The following ZNF14 variants were observed in gnomAD, a reference collection of about 807,000 sequenced individuals.
The protein encoded by ZNF14 is zinc finger protein 14.
In ZNF14, 9 loss-of-function variants were observed where a neutral mutation model predicts 11.3. That is an observed-to-expected ratio of 0.80 (90% CI 0.48 to 1.39). The LOEUF is 1.39. Ranked by LOEUF, ZNF14 falls within the 40% of genes most tolerant of loss-of-function variation. The probability of loss-of-function intolerance (pLI) is 0.00; values close to 1 mark genes in which losing one functional copy is unlikely to be tolerated. For synonymous variants in ZNF14, 239 were observed against 245.7 expected (o/e 0.97, Z 0.25); for missense variants, 711 against 763.9 (o/e 0.93, Z 0.82).
At position 19,713,003 on chromosome 19, in the gene ZNF14, T is replaced by C. The variant is rs533260956; in HGVS notation, c.278A>G (p.Asn93Ser). The C allele has an allele frequency of 5.0e-6, 8 of 1,614,152 alleles. No homozygotes were observed. In the South Asian group the frequency reaches 8.8e-5, roughly 18 times the overall value. ...TTSQMPNVNI[N>S]KETFTGAKPH... ...TTTTGCTCCAGTAAAAGTTTCCTTG[T>C]TGATATTAACATTTGGCATCTGGCT... The change falls in exon 4 of 4, where the codon AAC (asparagine) becomes AGC (serine). Residue 93 changes from asparagine (N) to serine (S), a missense_variant. Transcript: ENST00000344099.
intron 1 of ZNF14, among the ~76,000 whole-genome samples, chr19:19,715,778 C>A (rs767049034): frequency 6.6e-6 from 1 of 152,166 alleles, no homozygotes; most frequent in African/African-American, 2.4e-5. Context: ...TCAGGGGGAA[C>A]TGGTTTTTCT....
In ZNF14 at chr19:19,720,636, C is replaced by T. The variant is rs2062390705; in HGVS notation, c.4-6149G>A. 6.6e-6 allele frequency among the ~76,000 whole-genome samples: 1 copy of T among 152,124 alleles called. No individual in the cohort carries two copies. Among genetic ancestry groups the T allele is most frequent in the South Asian group, 2.1e-4 (1 of 4,830 alleles). On this transcript the variant is annotated intron_variant, in intron 1 of 3. Coordinates refer to ENST00000344099, the MANE Select transcript of ZNF14 (RefSeq NM_021030.3). This position sits in a 1 kb window ranked among gnomAD's most constrained non-coding sequence, Gnocchi z 4.1. Reference sequence around the variant, plus strand: ...GGGATTACAGGCATGAGCCACCATGCCCTGCCAGGAAATTGGGCAGCTCAA... The same window carrying T: ...GGGATTACAGGCATGAGCCACCATGTCCTGCCAGGAAATTGGGCAGCTCAA...
Position 19,711,477 on chromosome 19 carries a change from C to T in ZNF14, c.1804G>A (p.Val602Ile). Reference protein sequence around the residue: ...CGKAFRFSSSVRIHERSHTGE... With the variant: ...CGKAFRFSSSIRIHERSHTGE... ...GTGTGAGACCTTTCATGAATTCGAA[C>T]AGAACTTGAAAATCTGAAGGCTTTC... is the stretch of plus-strand genomic sequence containing the variant. Residue 602 changes from valine to isoleucine, a missense_variant, in exon 4 of 4, where the codon GTT (valine) becomes ATT (isoleucine). Transcript: ENST00000344099. 2 of 1,597,354 alleles carry T rather than the reference C, an allele frequency of 1.3e-6. No individual in the cohort carries two copies. Among genetic ancestry groups the T allele is most frequent in the South Asian group, 2.3e-5 (2 of 88,384 alleles).
chr19:19,725,720 G>T (rs2062404689), intron 1 of ZNF14, among the ~76,000 whole-genome samples: 1 of 133,938 alleles, frequency 7.5e-6, no homozygotes, highest in Non-Finnish European at 1.7e-5. Flanking sequence ...ATACCAATCA[G>T]ATGTAGATTT....
At chr19:19,715,530 G>GT (rs1423220810) in intron 1 of ZNF14, among the ~76,000 whole-genome samples, 1 of 152,242 alleles carries the variant, frequency 6.6e-6, no homozygotes, top group African/African-American at 2.4e-5. Context: ...GCAGGGGGAA[G>GT]TGTATTACAG....
intron 3 of ZNF14, among the ~76,000 whole-genome samples, chr19:19,713,748 C>CTATTTTTTTTTTTTTT: frequency 8.3e-6 from 1 of 120,208 alleles, no homozygotes; most frequent in South Asian, 2.8e-4. Flanking sequence ...TGTGCCAGGC[C>CTATTTTTTTTTTTTTT]TTTTTTTTTT....
chr19:19,731,445 G>A (rs1440315578), intron 1 of ZNF14, among the ~76,000 whole-genome samples: 1 of 151,972 alleles, frequency 6.6e-6, no homozygotes, highest in African/African-American at 2.4e-5. Context: ...GTGTGGTGGT[G>A]GGTGCCTGTA....
At chr19:19,715,137 T>C (rs562985730) in intron 1 of ZNF14, among the ~76,000 whole-genome samples, 2 of 152,340 alleles carry the variant, frequency 1.3e-5, no homozygotes, top group East Asian at 3.9e-4. Flanking sequence ...CATTAATCCC[T>C]TGTGAGAAAA....
intron 3 of ZNF14, 87 bp downstream of exon 3, chr19:19,714,004 A>G: frequency 8.0e-7 from 1 of 1,245,936 alleles, no homozygotes; most frequent in Non-Finnish European, 1.1e-6. Flanking sequence ...CTAGGAATAA[A>G]TAAATTTGAA....
intron 1 of ZNF14, among the ~76,000 whole-genome samples, chr19:19,725,076 C>T (rs4808210): frequency 0.98 from 128,398 of 131,582 alleles, 63,348 homozygotes; most frequent in East Asian, 1. Context: ...ATTTACCCCA[C>T]TTACATTTAA....
At chr19:19,719,688 G>A (rs1350138451) in intron 1 of ZNF14, among the ~76,000 whole-genome samples, 2 of 152,016 alleles carry the variant, frequency 1.3e-5, no homozygotes, top group African/African-American at 4.8e-5. Context: ...GATGGGAAAG[G>A]AAGAACAACA....
At chr19:19,721,718 T>C (rs546808259) in intron 1 of ZNF14, among the ~76,000 whole-genome samples, 34 of 152,224 alleles carry the variant, frequency 2.2e-4, no homozygotes, top group East Asian at 5.8e-4. Flanking sequence ...TCCTAGCACT[T>C]TGGGAGGCCG....
In ZNF14 at chr19:19,720,570, T is replaced by A. The variant is rs896681176; in HGVS notation, c.4-6083A>T. Among the ~76,000 whole-genome samples, 1 of 152,160 alleles carries A rather than the reference T, an allele frequency of 6.6e-6. No homozygotes were observed. The highest frequency in any genetic ancestry group is 1.5e-5 in the Non-Finnish European group (1 of 68,034). ...GTTGGCCAGGCTGGTCTCAAGGTCC[T>A]GACCTCAAGTGATCTGTCCGCCTCG... On this transcript the variant is annotated intron_variant, in intron 1 of 3. Coordinates refer to ENST00000344099, the MANE Select transcript of ZNF14 (RefSeq NM_021030.3). The surrounding 1 kb of genome is among the most constrained non-coding windows in gnomAD (Gnocchi z 4.1).
At chr19:19,732,830 C>T in intron 1 of ZNF14, 126 bp downstream of exon 1, 6 of 1,307,802 alleles carry the variant, frequency 4.6e-6, no homozygotes, top group Non-Finnish European at 6.3e-6. Context: ...GACCGAGGGC[C>T]GAACTGCGCC....
chr19:19,711,924 C>G lies in ZNF14; in HGVS notation c.1357G>C (p.Gly453Arg). 6.2e-7 allele frequency: 1 copy of G among 1,613,920 alleles called. No homozygotes were observed. Among genetic ancestry groups the G allele is most frequent in the Non-Finnish European group, 8.5e-7 (1 of 1,179,958 alleles). ...TAACTTGAACACCTGAAGGCTTTCCCACACTGTTTACATTCATAGGGTTTC... is the reference window on the plus strand; with the variant it reads ...TAACTTGAACACCTGAAGGCTTTCCGACACTGTTTACATTCATAGGGTTTC... ...AEKPYECKQC[G>R]KAFRCSSYFR... Residue 453 changes from glycine to arginine, a missense_variant, in exon 4 of 4, where the codon GGG (glycine) becomes CGG (arginine). Coordinates refer to ENST00000344099, the MANE Select transcript of ZNF14 (RefSeq NM_021030.3).
chr19:19,712,227 C>T lies in ZNF14; in HGVS notation c.1054G>A (p.Val352Met). The change falls in exon 4 of 4, where the codon GTG (valine) becomes ATG (methionine). Residue 352 changes from valine (V) to methionine (M), a missense_variant. Transcript: ENST00000344099. ...KAFNSSNSCRVHERTHIGEKP... is the reference protein window; with the variant it reads ...KAFNSSNSCRMHERTHIGEKP... ...TCTCCAATATGAGTTCTTTCATGCA[C>T]TCGACAGGAATTAGAAGAGTTGAAG... is the stretch of plus-strand genomic sequence containing the variant. 6.2e-7 allele frequency: 1 copy of T among 1,613,814 alleles called. No individual in the cohort carries two copies.
intron 1 of ZNF14, among the ~76,000 whole-genome samples, chr19:19,726,664 G>A (rs1197225604): frequency 7.5e-6 from 1 of 133,088 alleles, no homozygotes; most frequent in Non-Finnish European, 1.7e-5. Flanking sequence ...CTTTTGTTCA[G>A]CTATGCCCTG....
chr19:19,723,473 A>G (rs572709038), intron 1 of ZNF14, among the ~76,000 whole-genome samples: 2 of 152,288 alleles, frequency 1.3e-5, no homozygotes, highest in South Asian at 2.1e-4. Context: ...GTGCTGCTGG[A>G]TTCAGTTTGC....
chr19:19,721,636 C>T (rs2145100197), intron 1 of ZNF14, among the ~76,000 whole-genome samples: 1 of 152,232 alleles, frequency 6.6e-6, no homozygotes, highest in South Asian at 2.1e-4. Context: ...CACCTGTAGC[C>T]ATCACTGGAA....
Sources: allele counts gnomAD v4.1 joint callset (sites outside exome capture counted in the v4.1 genomes callset), GRCh38; gene constraint gnomAD v4.1.1; non-coding constraint Gnocchi (gnomAD v3.1); transcripts MANE v1.5; gene names NCBI Gene and HGNC (gene_info 2026-07-23, HGNC 2026-07-21).